The following FRMD5 variants were observed in gnomAD, a reference collection of about 807,000 sequenced individuals.
FRMD5 encodes the protein FERM domain containing 5, also known as FERM domain-containing protein 5.
A neutral mutation model predicts 69.0 loss-of-function variants in FRMD5; 20 were observed. The ratio of observed to expected loss-of-function variants is 0.29; its 90% CI spans 0.20 to 0.42. The LOEUF is 0.42. Ranked by LOEUF, FRMD5 falls within the 10% of genes least tolerant of loss-of-function variation. FRMD5 has a pLI of 1.00. For synonymous variants in FRMD5, 271 were observed against 260.1 expected (o/e 1.04, Z -0.40); for missense variants, 595 against 708.6 (o/e 0.84, Z 1.82).
intron 1 of FRMD5, among the ~76,000 whole-genome samples, chr15:43,959,205 C>T (rs1300698935): frequency 2.6e-5 from 4 of 152,244 alleles, no homozygotes; most frequent in Non-Finnish European, 5.9e-5. Flanking sequence ...AACATCAAAA[C>T]ATTCTTTGAT....
chr15:43,891,420 T>C (rs1023038208), intron 8 of FRMD5, among the ~76,000 whole-genome samples: 1 of 152,102 alleles, frequency 6.6e-6, no homozygotes, highest in Admixed American at 6.6e-5. Context: ...GACACTTAAA[T>C]GCCCAAGAGG....
At chr15:44,030,208 A>T (rs1343185406) in intron 1 of FRMD5, among the ~76,000 whole-genome samples, 11 of 147,442 alleles carry the variant, frequency 7.5e-5, no homozygotes, top group African/African-American at 2.7e-4. Flanking sequence ...TTTTTTTTAC[A>T]AAATTAATTT....
At chr15:43,904,622 G>C (rs976613041) in intron 6 of FRMD5, among the ~76,000 whole-genome samples, 1 of 152,034 alleles carries the variant, frequency 6.6e-6, no homozygotes, top group African/African-American at 2.4e-5. Context: ...CAGGTGATCT[G>C]CCCTCCTCCG....
In FRMD5 at chr15:43,873,721, C is replaced by CTTTCT; in HGVS notation, c.*159_*163dup. Reference sequence around the variant, plus strand: ...GTTTAGACAGGGCATGAGCCTATCCCTTTCTTCTTCTGGGAAACACCCTCC... The same window carrying CTTTCT: ...GTTTAGACAGGGCATGAGCCTATCCCTTTCTTTTCTTCTTCTGGGAAACACCCTCC... On this transcript the variant is annotated 3_prime_UTR_variant, in exon 14 of 14. Transcript: ENST00000417257. 6.6e-7 allele frequency: 1 copy of CTTTCT among 1,517,510 alleles called. No individual in the cohort carries two copies. The highest frequency in any genetic ancestry group is 2.5e-5 in the East Asian group (1 of 40,782). The allele number at this position is 1,517,510 out of a possible 1,614,324, so 94.0% of individuals were successfully genotyped here.
intron 5 of FRMD5, among the ~76,000 whole-genome samples, chr15:43,907,616 C>T (rs1229276831): frequency 6.6e-6 from 1 of 151,928 alleles, no homozygotes; most frequent in Non-Finnish European, 1.5e-5. Context: ...ACTCCGCCTC[C>T]CAGGTTGAAG....
Position 43,885,757 on chromosome 15 carries a change from TG to T in FRMD5, c.885-3del. The T allele has an allele frequency of 2.5e-6, 4 of 1,613,866 alleles. No homozygotes were observed. The highest frequency in any genetic ancestry group is 3.4e-6 in the Non-Finnish European group (4 of 1,179,700). ...CGGACTTGGCTTGACTTCTCCAGCCTGTAGCAAGGCAAAGTCCAGTGTGATA... is the reference window on the plus strand; with the variant it reads ...CGGACTTGGCTTGACTTCTCCAGCCTTAGCAAGGCAAAGTCCAGTGTGATA... On this transcript the variant is annotated splice_region_variant and splice_polypyrimidine_tract_variant and intron_variant, in intron 10 of 13. Coordinates refer to ENST00000417257, the MANE Select transcript of FRMD5 (RefSeq NM_032892.5).
chr15:44,093,729 T>C (rs569594513), intron 1 of FRMD5, among the ~76,000 whole-genome samples: 2 of 151,820 alleles, frequency 1.3e-5, no homozygotes, highest in African/African-American at 2.4e-5. Flanking sequence ...CCCTCCACCA[T>C]GCCCGGCTAA....
chr15:44,117,082 G>A (rs974832980), intron 1 of FRMD5, among the ~76,000 whole-genome samples: 1 of 151,154 alleles, frequency 6.6e-6, no homozygotes, highest in African/African-American at 2.4e-5. Context: ...TCCAGCCTGA[G>A]CGACAGAACA....
rs2088218244 is a variant in FRMD5, at chr15:43,873,397, G to A, written c.*488C>T. ...ATTGTCCAGATCCCTGGCCTGCCCTGCTGAGGCTGCAGTGATGAGTCTACT... is the reference window on the plus strand; with the variant it reads ...ATTGTCCAGATCCCTGGCCTGCCCTACTGAGGCTGCAGTGATGAGTCTACT... On this transcript the variant is annotated 3_prime_UTR_variant, in exon 14 of 14. Transcript: ENST00000417257. The A allele has an allele frequency of 6.9e-7, 1 of 1,441,072 alleles. No individual in the cohort carries two copies. Among genetic ancestry groups the A allele is most frequent in the Non-Finnish European group, 9.0e-7 (1 of 1,106,458 alleles). The allele number at this position is 1,441,072 out of a possible 1,614,324, so 89.3% of individuals were successfully genotyped here. A position where few individuals can be genotyped will look rare whatever the true frequency, so the allele number is the denominator to read the frequency against.
chr15:44,125,553 G>A (rs1037754648), intron 1 of FRMD5, among the ~76,000 whole-genome samples: 2 of 152,178 alleles, frequency 1.3e-5, no homozygotes, highest in African/African-American at 4.8e-5. Context: ...CTATGGAATT[G>A]AGGCTAAAGC....
At position 44,039,395 on chromosome 15, in the gene FRMD5, G is replaced by A. The variant is rs767006346; in HGVS notation, c.103-115086C>T. On this transcript the variant is annotated intron_variant, in intron 1 of 13. Transcript: ENST00000417257. ...CTGACTGGAAGACACCTCCCAGTAG[G>A]GGCCAACAGACATCTCATATAGGAG... is the stretch of plus-strand genomic sequence containing the variant. 3.3e-4 allele frequency among the ~76,000 whole-genome samples: 50 copies of A among 152,136 alleles called. 1 individual carries two copies. The highest frequency in any genetic ancestry group is 6.9e-4 in the Non-Finnish European group (47 of 68,012).
At chr15:43,923,415 G>C (rs900822144) in intron 2 of FRMD5, among the ~76,000 whole-genome samples, 4 of 152,206 alleles carry the variant, frequency 2.6e-5, no homozygotes, top group African/African-American at 4.8e-5. Flanking sequence ...AGATTTCCCA[G>C]AGGAAGTAAA....
At chr15:44,002,884 C>T (rs1220121284) in intron 1 of FRMD5, among the ~76,000 whole-genome samples, 1 of 152,062 alleles carries the variant, frequency 6.6e-6, no homozygotes, top group Non-Finnish European at 1.5e-5. Context: ...ATTCTAGTCT[C>T]CCCCCTTTCC....
At chr15:43,884,133 C>T (rs2088604730) in intron 12 of FRMD5, among the ~76,000 whole-genome samples, 1 of 152,082 alleles carries the variant, frequency 6.6e-6, no homozygotes, top group African/African-American at 2.4e-5. Context: ...GAAAATATGC[C>T]TGGACCAATA....
intron 13 of FRMD5, among the ~76,000 whole-genome samples, chr15:43,883,489 C>A (rs540677559): frequency 6.6e-6 from 1 of 152,206 alleles, no homozygotes; most frequent in Non-Finnish European, 1.5e-5. Context: ...ACCCAGCACC[C>A]TCAAATCCAC....
At chr15:43,927,901 A>G (rs2089612489) in intron 1 of FRMD5, among the ~76,000 whole-genome samples, 1 of 152,158 alleles carries the variant, frequency 6.6e-6, no homozygotes, top group Admixed American at 6.5e-5. Context: ...CAGACTTTTA[A>G]TAAGAATCCT....
chr15:43,982,101 T>C (rs1251256474), intron 1 of FRMD5, among the ~76,000 whole-genome samples: 1 of 152,210 alleles, frequency 6.6e-6, no homozygotes, highest in South Asian at 2.1e-4. Context: ...TGATGTTCTC[T>C]CTATTGGGGT....
At chr15:44,134,602 C>T (rs1359022822) in intron 1 of FRMD5, among the ~76,000 whole-genome samples, 3 of 152,088 alleles carry the variant, frequency 2.0e-5, no homozygotes, top group African/African-American at 4.8e-5. Flanking sequence ...GCGCGCGCCA[C>T]TATCGTCTGG....
chr15:43,881,667 C>T (rs553326085), intron 13 of FRMD5, among the ~76,000 whole-genome samples: 1 of 152,316 alleles, frequency 6.6e-6, no homozygotes, highest in East Asian at 1.9e-4. Flanking sequence ...AGTACTTCCG[C>T]ACATATTAGC....
Sources: gnomAD v4.1 joint callset for allele counts (sites outside exome capture counted in the v4.1 genomes callset) on GRCh38, gnomAD v4.1.1 for gene constraint, MANE v1.5 for transcripts, NCBI Gene and HGNC (gene_info 2026-07-23, HGNC 2026-07-21) for gene names.